The following KIT variants were observed in gnomAD, a reference collection of about 807,000 sequenced individuals.
KIT encodes mast/stem cell growth factor receptor Kit.
Under a neutral mutation model 105.7 loss-of-function variants are expected in KIT, and 16 were observed. The ratio of observed to expected loss-of-function variants is 0.15; its 90% CI spans 0.10 to 0.23. KIT has a LOEUF of 0.23. Ranked by LOEUF, KIT falls within the 10% of genes least tolerant of loss-of-function variation. The pLI, the probability that KIT is intolerant of heterozygous loss-of-function variation, is 1.00. For missense variants in KIT, 858 were observed against 1,213.8 expected (o/e 0.71, Z 4.36); for synonymous variants, 438 against 441.1 (o/e 0.99, Z 0.09).
intron 4 of KIT, among the ~76,000 whole-genome samples, chr4:54,702,441 T>TA (rs555320958): frequency 1.6e-4 from 24 of 152,170 alleles, no homozygotes; most frequent in Admixed American, 3.9e-4. Flanking sequence ...CAACACAACT[T>TA]ACTTTGGACT....
chr4:54,681,357 T>C (rs1049510467), intron 1 of KIT, among the ~76,000 whole-genome samples: 1 of 152,128 alleles, frequency 6.6e-6, no homozygotes, highest in Non-Finnish European at 1.5e-5. Flanking sequence ...GTTCCTCCTT[T>C]CTGCTCAGGG....
intron 1 of KIT, among the ~76,000 whole-genome samples, chr4:54,692,034 A>T (rs1054184089): frequency 3.3e-5 from 5 of 152,214 alleles, no homozygotes; most frequent in Non-Finnish European, 7.4e-5. Flanking sequence ...AACATTTATT[A>T]TGTGTTTTCC....
At chr4:54,673,572 C>G (rs949987464) in intron 1 of KIT, among the ~76,000 whole-genome samples, 5 of 152,152 alleles carry the variant, frequency 3.3e-5, no homozygotes, top group Non-Finnish European at 1.5e-5. Flanking sequence ...TAGCTTCTTT[C>G]ATTTAGTTAA....
intron 1 of KIT, among the ~76,000 whole-genome samples, chr4:54,675,220 G>T (rs543167193): frequency 2.0e-5 from 3 of 152,246 alleles, no homozygotes; most frequent in Non-Finnish European, 4.4e-5. Context: ...TTTTGGGAAT[G>T]GCCATTATCC....
Position 54,678,290 on chromosome 4 carries a change from C to CTCCTTCCT in KIT, c.68-17166_68-17159dup, listed in dbSNP as rs55800200. On this transcript the variant is annotated intron_variant, in intron 1 of 20. Transcript: ENST00000288135. ...TTCAATGCATTCCATGGCTGGCTCG[C>CTCCTTCCT]TCCTTCCTTCCTTCCTTCCTTCCTT... Among the ~76,000 whole-genome samples, 113 of 101,636 alleles carry CTCCTTCCT rather than the reference C, an allele frequency of 1.1e-3. 1 individual carries two copies. The highest frequency in any genetic ancestry group is 5.1e-3 in the Middle Eastern group (1 of 196). The allele number at this position is 101,636 out of a possible 152,430, so 66.7% of individuals were successfully genotyped here. A position where few individuals can be genotyped will look rare whatever the true frequency, so the allele number is the denominator to read the frequency against.
chr4:54,733,311 A>C (rs1560422409), intron 17 of KIT, 119 bp downstream of exon 17: 2 of 1,207,046 alleles, frequency 1.7e-6, no homozygotes, highest in Non-Finnish European at 2.4e-6. Context: ...CACACATTTT[A>C]GCAGTCAAAT....
At chr4:54,732,992 A>T (rs1722704222) in intron 16 of KIT, 78 bp from the exon 17 acceptor site, 1 of 1,184,538 alleles carries the variant, frequency 8.4e-7, no homozygotes, top group Non-Finnish European at 1.3e-6. Flanking sequence ...GCAACACTAT[A>T]GTATTAAAAA....
chr4:54,728,215 T>A, intron 13 of KIT, 94 bp downstream of exon 13: 1 of 907,340 alleles, frequency 1.1e-6, no homozygotes. Flanking sequence ...TATAAACTGC[T>A]TGGAAGATTT....
At chr4:54,728,907 T>C (rs562880452) in intron 13 of KIT, among the ~76,000 whole-genome samples, 13 of 152,226 alleles carry the variant, frequency 8.5e-5, no homozygotes, top group Non-Finnish European at 1.3e-4. Flanking sequence ...AGCTGGCTGC[T>C]CCTTGTGGCT....
intron 1 of KIT, among the ~76,000 whole-genome samples, chr4:54,662,341 T>C (rs1717340706): frequency 6.6e-6 from 1 of 152,206 alleles, no homozygotes. Flanking sequence ...GAGCTTTCAT[T>C]GTCCATCCTA....
At chr4:54,715,339 G>A (rs1577977041) in intron 7 of KIT, among the ~76,000 whole-genome samples, 1 of 148,836 alleles carries the variant, frequency 6.7e-6, no homozygotes, top group Non-Finnish European at 1.5e-5. Context: ...ATGATCCCAG[G>A]TAGACTATCA....
chr4:54,725,750 G>T, intron 8 of KIT, 107 bp from the exon 9 acceptor site: 2 of 1,056,338 alleles, frequency 1.9e-6, no homozygotes, highest in Non-Finnish European at 1.4e-6. Flanking sequence ...ATTTTCTGTT[G>T]ATTATGAACC....
rs116650431 is a variant in KIT, at chr4:54,677,349, C to T, written c.68-18163C>T. Among the ~76,000 whole-genome samples the T allele has an allele frequency of 8.0e-4, 121 of 151,836 alleles. 1 individual carries two copies. The highest frequency in any genetic ancestry group is 2.8e-3 in the African/African-American group (116 of 41,382). ...AGGCAGGTCCCTGGCACTGTGGCAG[C>T]GAAATTTCATAACTTGGTTCTAACT... On this transcript the variant is annotated intron_variant, in intron 1 of 20. Transcript: ENST00000288135.
chr4:54,733,576 G>T (rs2109803458), intron 17 of KIT, among the ~76,000 whole-genome samples: 1 of 152,196 alleles, frequency 6.6e-6, no homozygotes, highest in Admixed American at 6.5e-5. Flanking sequence ...TAAAATCTAA[G>T]ATCATATTCA....
Position 54,739,486 on chromosome 4 carries a change from G to T in KIT, c.*929G>T, listed in dbSNP as rs572274912. The T allele has an allele frequency of 2.1e-5, 5 of 233,294 alleles. No individual in the cohort carries two copies. The highest frequency in any genetic ancestry group is 6.0e-5 in the East Asian group (1 of 16,566). The allele number at this position is 233,294 out of a possible 1,614,324, so 14.5% of individuals were successfully genotyped here. A position where few individuals can be genotyped will look rare whatever the true frequency, so the allele number is the denominator to read the frequency against. ...GAACAAGCCTATCAGCTTCAGAATGGCATTGTACTCAATGGATTTGATGCT... is the reference window on the plus strand; with the variant it reads ...GAACAAGCCTATCAGCTTCAGAATGTCATTGTACTCAATGGATTTGATGCT... On this transcript the variant is annotated 3_prime_UTR_variant, in exon 21 of 21. Coordinates refer to ENST00000288135, the MANE Select transcript of KIT (RefSeq NM_000222.3).
chr4:54,718,733 T>G (rs1560410890), intron 7 of KIT, among the ~76,000 whole-genome samples: 1 of 152,226 alleles, frequency 6.6e-6, no homozygotes, highest in Admixed American at 6.5e-5. Context: ...ACAGTCACTG[T>G]TAAAATAAAT....
At chr4:54,688,219 A>ATTACTGGGATCCTTCCATCATGGT in intron 1 of KIT, among the ~76,000 whole-genome samples, 1 of 152,278 alleles carries the variant, frequency 6.6e-6, no homozygotes, top group East Asian at 1.9e-4. Context: ...GTTGTGGGCG[A>ATTACTGGGATCCTTCCATCATGGT]TTACTGGGAT....
In KIT at chr4:54,719,579, T is replaced by A. The variant is rs547315797; in HGVS notation, c.1232-4005T>A. On this transcript the variant is annotated intron_variant, in intron 7 of 20. Coordinates refer to ENST00000288135, the MANE Select transcript of KIT (RefSeq NM_000222.3). ...TAAAGGCAAAAAGGCTATTTTTTTT[T>A]ATCTCCACAGGAAATGCATAACTTA... is the stretch of plus-strand genomic sequence containing the variant. Among the ~76,000 whole-genome samples the A allele has an allele frequency of 2.4e-4, 36 of 152,076 alleles. No individual in the cohort carries two copies. In the South Asian group the frequency reaches 5.0e-3, roughly 21 times the overall value.
intron 16 of KIT, among the ~76,000 whole-genome samples, 182 bp from the exon 17 acceptor site, chr4:54,732,888 G>T (rs1722698027): frequency 6.6e-6 from 1 of 152,130 alleles, no homozygotes; most frequent in African/African-American, 2.4e-5. Flanking sequence ...TTAGACTCTT[G>T]ATTATGTGAA....
Sources: allele counts gnomAD v4.1 joint callset (sites outside exome capture counted in the v4.1 genomes callset), GRCh38; gene constraint gnomAD v4.1.1; transcripts MANE v1.5; gene names NCBI Gene and HGNC (gene_info 2026-07-23, HGNC 2026-07-21).